MTUS2: variants seen among roughly 807,000 people sequenced by gnomAD.
The protein encoded by MTUS2 is microtubule-associated tumor suppressor candidate 2.
A neutral mutation model predicts 114.1 loss-of-function variants in MTUS2; 40 were observed. That is an observed-to-expected ratio of 0.35 (90% CI 0.27 to 0.46). The LOEUF (loss-of-function observed/expected upper bound fraction) is 0.46. MTUS2 is among the 20% of genes least tolerant of loss of function. MTUS2 has a pLI of 1.00. For synonymous variants in MTUS2, 688 were observed against 672.0 expected, an observed-to-expected ratio of 1.02 and a Z score of -0.37; for missense variants, 1,679 against 1,705.4, an observed-to-expected ratio of 0.98 and a Z score of 0.27.
At chr13:28,944,658 T>C (rs1882424090) in intron 2 of MTUS2, among the ~76,000 whole-genome samples, 1 of 152,256 alleles carries the variant, frequency 6.6e-6, no homozygotes, top group Non-Finnish European at 1.5e-5. Flanking sequence ...AATTAAAACT[T>C]GTGATGACTT....
chr13:29,445,745 A>G (rs1878229820), intron 9 of MTUS2, among the ~76,000 whole-genome samples: 1 of 148,212 alleles, frequency 6.7e-6, no homozygotes, highest in African/African-American at 2.6e-5. Flanking sequence ...TCTACTAAAA[A>G]TACAAAAAAA....
At chr13:28,978,111 A>G (rs1188602196) in intron 2 of MTUS2, among the ~76,000 whole-genome samples, 1 of 152,200 alleles carries the variant, frequency 6.6e-6, no homozygotes, top group Non-Finnish European at 1.5e-5. Flanking sequence ...TGCTACATTT[A>G]CCTTGCCACA....
intron 2 of MTUS2, among the ~76,000 whole-genome samples, chr13:28,996,582 T>G (rs904065670): frequency 1.3e-5 from 2 of 152,206 alleles, no homozygotes; most frequent in Non-Finnish European, 2.9e-5. Flanking sequence ...CAGAGCCTGT[T>G]ATCGGTCTAT....
At chr13:29,177,557 A>G (rs1049765055) in intron 5 of MTUS2, among the ~76,000 whole-genome samples, 1 of 152,124 alleles carries the variant, frequency 6.6e-6, no homozygotes, top group Non-Finnish European at 1.5e-5. Context: ...ACCCTTCACT[A>G]GTCGACACAG....
chr13:29,461,100 G>A (rs1879455805), intron 9 of MTUS2, among the ~76,000 whole-genome samples: 1 of 152,098 alleles, frequency 6.6e-6, no homozygotes, highest in South Asian at 2.1e-4. Flanking sequence ...AAGGTTGAGG[G>A]CCTGCTTCTG....
intron 5 of MTUS2, among the ~76,000 whole-genome samples, chr13:29,153,832 A>AT (rs975169579): frequency 1.3e-5 from 2 of 152,158 alleles, no homozygotes; most frequent in African/African-American, 2.4e-5. Context: ...GTGACACTGT[A>AT]TTTTTTAACA....
chr13:28,937,452 A>T (rs1378860618), intron 2 of MTUS2, among the ~76,000 whole-genome samples: 1 of 152,104 alleles, frequency 6.6e-6, no homozygotes, highest in African/African-American at 2.4e-5. Context: ...CCCCTTCCAC[A>T]CTGTGGAAGC....
chr13:29,045,709 T>C (rs971877151), intron 4 of MTUS2, among the ~76,000 whole-genome samples: 2 of 152,166 alleles, frequency 1.3e-5, no homozygotes, highest in African/African-American at 4.8e-5. Context: ...TGATGCTTCT[T>C]TTTTCAGATT....
intron 5 of MTUS2, among the ~76,000 whole-genome samples, chr13:29,209,605 G>A (rs1255975296): frequency 6.6e-6 from 1 of 151,900 alleles, no homozygotes; most frequent in Admixed American, 6.6e-5. Context: ...CTCCTTTTAG[G>A]AGATCTTGTA....
intron 5 of MTUS2, among the ~76,000 whole-genome samples, chr13:29,216,539 GA>G (rs1434184751): frequency 1.3e-5 from 2 of 152,152 alleles, no homozygotes; most frequent in East Asian, 1.9e-4. Context: ...TCTGTGGGTT[GA>G]AAAAACTGTG....
chr13:28,999,034 G>T (rs1885257104), intron 2 of MTUS2, among the ~76,000 whole-genome samples: 1 of 152,044 alleles, frequency 6.6e-6, no homozygotes, highest in South Asian at 2.1e-4. Flanking sequence ...TCTACCTTTG[G>T]TCTTTGATGA....
chr13:28,940,714 A>C (rs1229661523), intron 2 of MTUS2, among the ~76,000 whole-genome samples: 1 of 152,170 alleles, frequency 6.6e-6, no homozygotes, highest in Admixed American at 6.5e-5. Flanking sequence ...AAAGAAGGAA[A>C]TAGTGAACTA....
chr13:28,844,586 TGTGA>T (rs1875735095), intron 2 of MTUS2, among the ~76,000 whole-genome samples: 1 of 125,898 alleles, frequency 7.9e-6, no homozygotes, highest in Non-Finnish European at 1.7e-5. Context: ...AGCATTTGTG[TGTGA>T]GTGTGTGTGT....
chr13:29,072,302 A>G (rs969726088), intron 4 of MTUS2: 1 of 152,170 alleles, frequency 6.6e-6, no homozygotes, highest in Non-Finnish European at 1.5e-5. Context: ...TCTCATTTTC[A>G]AGCATCTTTG....
At chr13:28,848,096 G>C (rs1012382344) in intron 2 of MTUS2, among the ~76,000 whole-genome samples, 7 of 151,946 alleles carry the variant, frequency 4.6e-5, no homozygotes, top group African/African-American at 1.7e-4. Flanking sequence ...TCCTTTTCTA[G>C]TTCAGGGATA....
chr13:29,103,355 T>C (rs1448063274), intron 5 of MTUS2, among the ~76,000 whole-genome samples: 11 of 152,246 alleles, frequency 7.2e-5, no homozygotes, highest in African/African-American at 2.7e-4. Flanking sequence ...GCTCCTAGGC[T>C]GCAAACCTAT....
At chr13:29,252,200 A>G (rs1368649293) in intron 5 of MTUS2, among the ~76,000 whole-genome samples, 1 of 152,208 alleles carries the variant, frequency 6.6e-6, no homozygotes, top group African/African-American at 2.4e-5. Flanking sequence ...ATATAATCGT[A>G]TCTTAATAAT....
intron 8 of MTUS2, among the ~76,000 whole-genome samples, chr13:29,392,147 A>AG (rs1566176548): frequency 1.7e-3 from 3 of 1,810 alleles, no homozygotes; most frequent in African/African-American, 1.9e-3. Flanking sequence ...AAAACAAACC[A>AG]AAAAAAAAAA....
At chr13:29,285,322 C>G (rs551882215) in intron 6 of MTUS2, among the ~76,000 whole-genome samples, 5 of 152,178 alleles carry the variant, frequency 3.3e-5, no homozygotes, top group East Asian at 1.9e-4. Context: ...CAGTCTGTAT[C>G]TCAAGATAAC....
Sources: gnomAD v4.1 joint callset for allele counts (sites outside exome capture counted in the v4.1 genomes callset) on GRCh38, gnomAD v4.1.1 for gene constraint, MANE v1.5 for transcripts, NCBI Gene and HGNC (gene_info 2026-07-23, HGNC 2026-07-21) for gene names.